ADAMTSL3: variants seen among roughly 807,000 people sequenced by gnomAD.
ADAMTSL3 encodes ADAMTS-like protein 3.
A neutral mutation model predicts 201.7 loss-of-function variants in ADAMTSL3; 128 were observed. The observed-to-expected ratio is 0.63, with a 90% CI of 0.55 to 0.73. The LOEUF is 0.73. Among genes scored for constraint, ADAMTSL3 ranks in the 30% least tolerant of loss-of-function variants. The probability of loss-of-function intolerance (pLI) is 0.00; values close to 1 mark genes in which losing one functional copy is unlikely to be tolerated. For missense variants in ADAMTSL3, 1,990 were observed against 2,119.6 expected (o/e 0.94, Z 1.20); for synonymous variants, 738 against 748.4 (o/e 0.99, Z 0.23).
At chr15:83,938,280 TC>T (rs2066495636) in intron 17 of ADAMTSL3, among the ~76,000 whole-genome samples, 1 of 152,176 alleles carries the variant, frequency 6.6e-6, no homozygotes, top group African/African-American at 2.4e-5. Context: ...ATATACCACT[TC>T]CACTCGGTGG....
Position 84,037,716 on chromosome 15 carries a change from A to G in ADAMTSL3, c.4986A>G (p.Thr1662=), listed in dbSNP as rs1377820918. The G allele has an allele frequency of 6.2e-7, 1 of 1,608,592 alleles. No individual in the cohort carries two copies. The highest frequency in any genetic ancestry group is 1.1e-5 in the South Asian group (1 of 89,462). Residue 1662 remains threonine (T), a synonymous_variant, in exon 30 of 30, where the codon ACA becomes ACG. Coordinates refer to ENST00000286744, the MANE Select transcript of ADAMTSL3 (RefSeq NM_207517.3). ...TTTTTGCAGGAGACTGCACAGACACAACTCACTACTGTATGTTTGTAAAAC... is the reference window on the plus strand; with the variant it reads ...TTTTTGCAGGAGACTGCACAGACACGACTCACTACTGTATGTTTGTAAAAC... ...GPSCDRDCTD[T]THYCMFVKHL...
intron 24 of ADAMTSL3, 98 bp from the exon 25 acceptor site, chr15:84,016,285 G>A: frequency 1.2e-6 from 1 of 849,158 alleles, no homozygotes; most frequent in East Asian, 2.6e-5. Flanking sequence ...TTATTATAGA[G>A]GACTCATTTT....
At position 84,025,327 on chromosome 15, in the gene ADAMTSL3, A is replaced by G. The variant is rs118099557; in HGVS notation, c.4547A>G (p.Asn1516Ser). Residue 1516 changes from asparagine to serine, a missense_variant, in exon 27 of 30, where the codon AAT becomes AGT. By Grantham distance (46) the Asn-to-Ser change is conservative (BLOSUM62 1). Coordinates refer to ENST00000286744, the MANE Select transcript of ADAMTSL3 (RefSeq NM_207517.3). Reference protein sequence around the residue: ...RQVTCKRTKANGTVQVVSPRA... With the variant: ...RQVTCKRTKASGTVQVVSPRA... ...GTGACGTGCAAGCGGACAAAAGCCAATGGAACTGTGCAGGTGGTGTCTCCA... is the reference window on the plus strand; with the variant it reads ...GTGACGTGCAAGCGGACAAAAGCCAGTGGAACTGTGCAGGTGGTGTCTCCA... The G allele has an allele frequency of 3.7e-6, 6 of 1,614,046 alleles. No homozygotes were observed. In the African/African-American group the frequency reaches 4.0e-5, roughly 11 times the overall value.
intron 19 of ADAMTSL3, among the ~76,000 whole-genome samples, chr15:83,949,067 A>G (rs1015817793): frequency 2.0e-5 from 3 of 152,146 alleles, no homozygotes; most frequent in Non-Finnish European, 4.4e-5. Context: ...GTTTTTGGAT[A>G]TAGTCTCCCT....
chr15:83,816,720 A>G (rs79556639), intron 5 of ADAMTSL3, among the ~76,000 whole-genome samples: 5,852 of 152,316 alleles, frequency 0.038, 336 homozygotes, highest in African/African-American at 0.13. Flanking sequence ...GAGGAAAGTC[A>G]TCTGGCCTGG....
rs564700676 is a variant in ADAMTSL3, at chr15:83,897,917, C to T, written c.1527C>T (p.Arg509=). The change falls in exon 14 of 30, where the codon CGC becomes CGT. Residue 509 remains arginine, a synonymous_variant. Coordinates refer to ENST00000286744, the MANE Select transcript of ADAMTSL3 (RefSeq NM_207517.3). ...RYRVVLCINH[R]GEHVGGCNPQ... ...GGGTTGTTCTGTGTATTAACCACCG[C>T]GGAGAGCATGTTGGGGGCTGCAATC... 30 of 1,613,792 alleles carry T rather than the reference C, an allele frequency of 1.9e-5. No homozygotes were observed. Among genetic ancestry groups the T allele is most frequent in the South Asian group, 9.9e-5 (9 of 91,020 alleles).
intron 4 of ADAMTSL3, among the ~76,000 whole-genome samples, chr15:83,789,102 C>T (rs1026065884): frequency 1.3e-5 from 2 of 152,206 alleles, no homozygotes; most frequent in African/African-American, 4.8e-5. Context: ...TGAGCCACCA[C>T]ACCCAGCCGT....
chr15:83,768,222 C>T (rs1384051457), intron 3 of ADAMTSL3, among the ~76,000 whole-genome samples: 1 of 152,126 alleles, frequency 6.6e-6, no homozygotes, highest in African/African-American at 2.4e-5. Context: ...GCTGCCTGTA[C>T]TTTATATGTG....
At chr15:83,895,956 C>G (rs1049725089) in intron 13 of ADAMTSL3, among the ~76,000 whole-genome samples, 1 of 152,128 alleles carries the variant, frequency 6.6e-6, no homozygotes, top group African/African-American at 2.4e-5. Context: ...AGAAAGGCCT[C>G]CATATCCTCG....
At chr15:83,811,961 T>C (rs2063705730) in intron 5 of ADAMTSL3, among the ~76,000 whole-genome samples, 1 of 152,144 alleles carries the variant, frequency 6.6e-6, no homozygotes, top group Non-Finnish European at 1.5e-5. Context: ...AAACCAGAGG[T>C]GCATAAATGC....
rs183232171 is a variant in ADAMTSL3 at position 83,690,002 on chromosome 15, G to T, written c.70-14387G>T. ...TATTGAGATTTTCCTCTTCTATTTG[G>T]AGTCAGTTTTGGTTAATTACATAGT... On this transcript the variant is annotated intron_variant, in intron 2 of 29. Transcript: ENST00000286744. Among the ~76,000 whole-genome samples, 4 of 152,176 alleles carry T rather than the reference G, an allele frequency of 2.6e-5. No individual in the cohort carries two copies. The East Asian group carries it at 7.7e-4, about 29-fold the overall frequency.
intron 10 of ADAMTSL3, among the ~76,000 whole-genome samples, chr15:83,889,717 C>G (rs1426357256): frequency 2.0e-5 from 3 of 152,146 alleles, no homozygotes; most frequent in African/African-American, 7.2e-5. Flanking sequence ...GAATGAATAA[C>G]TCTCCTGCAC....
intron 6 of ADAMTSL3, among the ~76,000 whole-genome samples, chr15:83,830,422 C>T (rs868746053): frequency 6.6e-6 from 1 of 152,066 alleles, no homozygotes; most frequent in South Asian, 2.1e-4. Context: ...TATATAGTAG[C>T]GAGACCATGA....
At chr15:83,765,223 G>A (rs372080515) in intron 3 of ADAMTSL3, among the ~76,000 whole-genome samples, 8 of 152,134 alleles carry the variant, frequency 5.3e-5, no homozygotes, top group Non-Finnish European at 7.4e-5. Context: ...TTTTTATGCC[G>A]TTCACCCAAT....
chr15:83,912,964 A>C, intron 15 of ADAMTSL3, 128 bp from the exon 16 acceptor site: 1 of 973,148 alleles, frequency 1.0e-6, no homozygotes, highest in Non-Finnish European at 1.5e-6. Flanking sequence ...ATAAAATTCC[A>C]AATGTGTGGA....
At chr15:83,736,743 A>G (rs1303806734) in intron 3 of ADAMTSL3, among the ~76,000 whole-genome samples, 2 of 152,298 alleles carry the variant, frequency 1.3e-5, no homozygotes, top group African/African-American at 2.4e-5. Flanking sequence ...CCAGAGAATA[A>G]TTCATGCTCC....
At chr15:83,887,443 C>A (rs919888147) in intron 10 of ADAMTSL3, among the ~76,000 whole-genome samples, 2 of 152,166 alleles carry the variant, frequency 1.3e-5, no homozygotes, top group African/African-American at 4.8e-5. Context: ...TGGAGTAAGT[C>A]ATCTTCAAGT....
intron 23 of ADAMTSL3, among the ~76,000 whole-genome samples, chr15:84,009,493 A>G (rs1187236612): frequency 6.6e-6 from 1 of 152,232 alleles, no homozygotes; most frequent in Non-Finnish European, 1.5e-5. Context: ...CTTCATTACT[A>G]ATGCATCAAA....
intron 7 of ADAMTSL3, among the ~76,000 whole-genome samples, chr15:83,852,587 A>G (rs2141749663): frequency 6.6e-6 from 1 of 152,260 alleles, no homozygotes; most frequent in South Asian, 2.1e-4. Context: ...TTCTCTCTTC[A>G]TAATCTTCTT....
Sources: allele counts gnomAD v4.1 joint callset (sites outside exome capture counted in the v4.1 genomes callset), GRCh38; gene constraint gnomAD v4.1.1; transcripts MANE v1.5; gene names NCBI Gene and HGNC (gene_info 2026-07-23, HGNC 2026-07-21).